ST6GALNAC3: variants seen among roughly 807,000 people sequenced by gnomAD.
The protein encoded by ST6GALNAC3 is alpha-N-acetylgalactosaminide alpha-2,6-sialyltransferase 3.
ST6GALNAC3 carries 25 observed loss-of-function variants against 32.7 expected under a neutral mutation model. The ratio of observed to expected loss-of-function variants is 0.76; its 90% CI spans 0.56 to 1.07. The LOEUF (loss-of-function observed/expected upper bound fraction) is 1.07, where lower values mean the gene tolerates loss of function less well. Among genes scored for constraint, ST6GALNAC3 ranks in the 50% least tolerant of loss-of-function variants. ST6GALNAC3 has a pLI of 0.00. For synonymous variants in ST6GALNAC3, 129 were observed against 133.1 expected (o/e 0.97, Z 0.21); for missense variants, 355 against 382.4 (o/e 0.93, Z 0.60).
At chr1:76,309,858 T>A in intron 1 of ST6GALNAC3, 1 of 433,700 alleles carries the variant, frequency 2.3e-6, no homozygotes, top group South Asian at 1.7e-5. Context: ...ATTACTTGGT[T>A]CCCTTTGATA....
At chr1:76,569,789 G>T (rs1313960157) in intron 3 of ST6GALNAC3, among the ~76,000 whole-genome samples, 1 of 152,084 alleles carries the variant, frequency 6.6e-6, no homozygotes, top group Middle Eastern at 3.2e-3. Flanking sequence ...ATTGGGTGCT[G>T]CAGGGCTTAC....
chr1:76,240,340 C>T (rs1005429963), intron 1 of ST6GALNAC3, among the ~76,000 whole-genome samples: 24 of 152,126 alleles, frequency 1.6e-4, no homozygotes, highest in Admixed American at 1.6e-3. Context: ...TACTTTTTAC[C>T]AGCAATTCTG....
At chr1:76,365,941 C>T (rs1650333474) in intron 2 of ST6GALNAC3, among the ~76,000 whole-genome samples, 2 of 152,156 alleles carry the variant, frequency 1.3e-5, no homozygotes, top group Admixed American at 6.6e-5. Context: ...CTACATTATT[C>T]AGAATCCTTG....
intron 3 of ST6GALNAC3, among the ~76,000 whole-genome samples, chr1:76,513,415 C>A (rs1381460153): frequency 6.6e-6 from 1 of 152,064 alleles, no homozygotes; most frequent in East Asian, 1.9e-4. Flanking sequence ...ATTCTTGGCA[C>A]CTCTGTTGAA....
chr1:76,349,394 G>C (rs1367815596), intron 2 of ST6GALNAC3, among the ~76,000 whole-genome samples: 1 of 152,148 alleles, frequency 6.6e-6, no homozygotes, highest in Admixed American at 6.5e-5. Flanking sequence ...TGTGTGGAAG[G>C]CAATATCCTT....
chr1:76,538,757 C>T (rs1336942173), intron 3 of ST6GALNAC3, among the ~76,000 whole-genome samples: 2 of 152,118 alleles, frequency 1.3e-5, no homozygotes, highest in Non-Finnish European at 2.9e-5. Flanking sequence ...TGAATGAACT[C>T]CCATTCACAA....
chr1:76,176,368 T>G (rs1482195251), intron 1 of ST6GALNAC3, among the ~76,000 whole-genome samples: 2 of 152,234 alleles, frequency 1.3e-5, no homozygotes, highest in Non-Finnish European at 2.9e-5. Context: ...GTCACAGCAC[T>G]GTTTTTTGAT....
intron 1 of ST6GALNAC3, among the ~76,000 whole-genome samples, chr1:76,100,876 G>A (rs943553108): frequency 6.6e-6 from 1 of 150,906 alleles, no homozygotes; most frequent in East Asian, 1.9e-4. Context: ...TTTAATGCCA[G>A]TTTTAGATTC....
chr1:76,280,652 A>G (rs1274663120), intron 1 of ST6GALNAC3, among the ~76,000 whole-genome samples: 1 of 152,224 alleles, frequency 6.6e-6, no homozygotes, highest in Non-Finnish European at 1.5e-5. Context: ...AAATGAAATA[A>G]TGGGCATAGA....
At chr1:76,315,609 A>G (rs1199683700) in intron 2 of ST6GALNAC3, among the ~76,000 whole-genome samples, 1 of 152,156 alleles carries the variant, frequency 6.6e-6, no homozygotes, top group Non-Finnish European at 1.5e-5. Context: ...GTTATTTCTT[A>G]GGAGAAAACA....
In ST6GALNAC3 at chr1:76,509,118, C is replaced by T. The variant is rs187623013; in HGVS notation, c.623+96701C>T. Reference sequence around the variant, plus strand: ...TTCTGGAAACACCAACAGAGTTGTTCGTCAATTGTTGATGTAGTGTAAAAT... The same window carrying T: ...TTCTGGAAACACCAACAGAGTTGTTTGTCAATTGTTGATGTAGTGTAAAAT... On this transcript the variant is annotated intron_variant, in intron 3 of 4. Coordinates refer to ENST00000328299, the MANE Select transcript of ST6GALNAC3 (RefSeq NM_152996.4). The surrounding 1 kb of genome is among the most constrained non-coding windows in gnomAD (Gnocchi z 5.5). 3.6e-3 allele frequency among the ~76,000 whole-genome samples: 542 copies of T among 152,236 alleles called. 14 individuals are homozygous for T. Among genetic ancestry groups the T allele is most frequent in the Admixed American group, 0.031 (471 of 15,288 alleles).
chr1:76,368,151 C>A (rs932315647), intron 2 of ST6GALNAC3, among the ~76,000 whole-genome samples: 3 of 152,014 alleles, frequency 2.0e-5, no homozygotes, highest in African/African-American at 7.2e-5. Flanking sequence ...GTTTCATGTA[C>A]CTTACAGTCT....
At chr1:76,135,387 A>G (rs1649878263) in intron 1 of ST6GALNAC3, among the ~76,000 whole-genome samples, 1 of 152,188 alleles carries the variant, frequency 6.6e-6, no homozygotes, top group South Asian at 2.1e-4. Flanking sequence ...TGAACCAAAT[A>G]TTGAACATCT....
At chr1:76,577,402 C>A in intron 3 of ST6GALNAC3, 1 of 847,646 alleles carries the variant, frequency 1.2e-6, no homozygotes, top group Non-Finnish European at 1.4e-6. Flanking sequence ...CTTGTGAAAA[C>A]GAGCCCTGAT....
chr1:76,601,999 G>A (rs1368306930), intron 3 of ST6GALNAC3, among the ~76,000 whole-genome samples: 2 of 152,150 alleles, frequency 1.3e-5, no homozygotes, highest in African/African-American at 2.4e-5. Flanking sequence ...CAAGGAAGGA[G>A]GGGAAGACTG....
At chr1:76,092,605 T>C (rs1229595809) in intron 1 of ST6GALNAC3, among the ~76,000 whole-genome samples, 1 of 152,202 alleles carries the variant, frequency 6.6e-6, no homozygotes, top group Non-Finnish European at 1.5e-5. Flanking sequence ...GATGGCTTCG[T>C]GGCATGTGAC....
At chr1:76,511,493 C>G (rs915451369) in intron 3 of ST6GALNAC3, among the ~76,000 whole-genome samples, 5 of 152,188 alleles carry the variant, frequency 3.3e-5, no homozygotes, top group Non-Finnish European at 5.9e-5. Context: ...CCCCTTTCCT[C>G]CCACAGTGAC....
At chr1:76,171,560 A>G (rs1039549752) in intron 1 of ST6GALNAC3, among the ~76,000 whole-genome samples, 20 of 152,206 alleles carry the variant, frequency 1.3e-4, no homozygotes, top group African/African-American at 4.8e-4. Flanking sequence ...ATAAGGAAGA[A>G]GAGGGAGAAG....
intron 2 of ST6GALNAC3, among the ~76,000 whole-genome samples, chr1:76,360,329 G>T (rs910888076): frequency 6.6e-6 from 1 of 151,896 alleles, no homozygotes; most frequent in Admixed American, 6.6e-5. Context: ...CTCTCATGTT[G>T]TTCTCTTTAC....
Sources: allele counts gnomAD v4.1 joint callset (sites outside exome capture counted in the v4.1 genomes callset), GRCh38; gene constraint gnomAD v4.1.1; non-coding constraint Gnocchi (gnomAD v3.1); transcripts MANE v1.5; gene names NCBI Gene and HGNC (gene_info 2026-07-23, HGNC 2026-07-21).